Variants in AGBL4 observed in about 807,000 individuals in gnomAD.
AGBL4 encodes AGBL carboxypeptidase 4, also known as cytosolic carboxypeptidase 6.
AGBL4 carries 58 observed loss-of-function variants against 66.4 expected under a neutral mutation model. The ratio of observed to expected loss-of-function variants is 0.87; its 90% CI spans 0.71 to 1.09. AGBL4 has a LOEUF of 1.09. Ranked by LOEUF, AGBL4 falls within the 50% of genes least tolerant of loss-of-function variation. The probability of loss-of-function intolerance (pLI) is 0.00; values close to 1 mark genes in which losing one functional copy is unlikely to be tolerated. For missense variants in AGBL4, 579 were observed against 631.0 expected, an observed-to-expected ratio of 0.92 and a Z score of 0.88; for synonymous variants, 234 against 222.9, an observed-to-expected ratio of 1.05 and a Z score of -0.44.
intron 3 of AGBL4, among the ~76,000 whole-genome samples, chr1:49,675,076 G>A (rs1476165201): frequency 1.3e-5 from 2 of 152,054 alleles, no homozygotes; most frequent in Non-Finnish European, 2.9e-5. Flanking sequence ...AAGATTCTAA[G>A]TTTCAGGCCT....
chr1:50,023,624 G>T, intron 1 of AGBL4, 139 bp downstream of exon 1: 1 of 1,070,026 alleles, frequency 9.3e-7, no homozygotes, highest in South Asian at 2.0e-5. Flanking sequence ...CTTGACCCCT[G>T]ACCCTGAAGT....
At chr1:49,351,455 G>GTATATATA (rs148857726) in intron 3 of AGBL4, among the ~76,000 whole-genome samples, 1 of 147,682 alleles carries the variant, frequency 6.8e-6, no homozygotes, top group African/African-American at 2.5e-5. Context: ...GTACACATAT[G>GTATATATA]TATATATATA....
At chr1:49,449,273 C>T (rs774379909) in intron 3 of AGBL4, among the ~76,000 whole-genome samples, 3 of 151,992 alleles carry the variant, frequency 2.0e-5, no homozygotes, top group Admixed American at 2.0e-4. Context: ...TACTGTGTTA[C>T]ATGAGAGTAT....
intron 1 of AGBL4, among the ~76,000 whole-genome samples, chr1:49,904,705 C>T (rs1338922477): frequency 3.9e-5 from 6 of 152,152 alleles, no homozygotes; most frequent in Admixed American, 3.9e-4. Context: ...AAGAACATTG[C>T]ATTTTTATAG....
chr1:48,990,192 G>A (rs1215460451), intron 5 of AGBL4, among the ~76,000 whole-genome samples: 1 of 152,062 alleles, frequency 6.6e-6, no homozygotes, highest in Non-Finnish European at 1.5e-5. Flanking sequence ...TTTGAGAAAT[G>A]TCTAGTCAAA....
intron 3 of AGBL4, among the ~76,000 whole-genome samples, chr1:49,385,119 T>C (rs776100514): frequency 2.0e-5 from 3 of 152,020 alleles, no homozygotes; most frequent in African/African-American, 7.2e-5. Context: ...ACTCTAGAAA[T>C]AGAAAATATA....
intron 1 of AGBL4, chr1:49,865,930 T>C: frequency 2.4e-6 from 1 of 408,248 alleles, no homozygotes; most frequent in South Asian, 1.8e-5. Context: ...CTGAAGGAGC[T>C]GAAAAACACA....
chr1:48,581,692 G>T (rs1644742686), intron 11 of AGBL4, among the ~76,000 whole-genome samples: 1 of 152,196 alleles, frequency 6.6e-6, no homozygotes, highest in South Asian at 2.1e-4. Context: ...AGGAAGGAAA[G>T]GCAAGGGACC....
intron 5 of AGBL4, among the ~76,000 whole-genome samples, chr1:48,871,309 G>A (rs1348751754): frequency 1.3e-5 from 2 of 151,812 alleles, no homozygotes; most frequent in African/African-American, 4.8e-5. Flanking sequence ...CTGACCAAAA[G>A]CTACAGTCTA....
chr1:49,904,047 A>G (rs563416691), intron 1 of AGBL4, among the ~76,000 whole-genome samples: 17 of 152,314 alleles, frequency 1.1e-4, no homozygotes, highest in African/African-American at 4.1e-4. Context: ...TTTCACCATC[A>G]GCCACTCTGA....
rs912634323 is a variant in AGBL4 at position 49,093,732 on chromosome 1, C to A, written c.378-47932G>T. On this transcript the variant is annotated intron_variant, in intron 4 of 13. Transcript: ENST00000371839. ...TAACTTGTTCATGGTTGTATAATAA[C>A]TAGAGAGCCAAAACCAAAACCTAGG... is the stretch of plus-strand genomic sequence containing the variant. Among the ~76,000 whole-genome samples the A allele has an allele frequency of 5.3e-5, 8 of 152,130 alleles. No homozygotes were observed. In the East Asian group the frequency reaches 1.3e-3, roughly 26 times the overall value.
chr1:49,254,030 C>T (rs571647973), intron 3 of AGBL4, among the ~76,000 whole-genome samples: 1 of 152,224 alleles, frequency 6.6e-6, no homozygotes, highest in African/African-American at 2.4e-5. Context: ...ATAATAAGAA[C>T]CATCTAGGAC....
chr1:49,937,210 C>A (rs1176461722), intron 1 of AGBL4, among the ~76,000 whole-genome samples: 2 of 152,068 alleles, frequency 1.3e-5, no homozygotes, highest in African/African-American at 4.8e-5. Context: ...ATAAAACAGA[C>A]ATTAAACCAA....
chr1:49,189,967 T>C (rs1237435690), intron 4 of AGBL4, among the ~76,000 whole-genome samples: 2 of 152,116 alleles, frequency 1.3e-5, no homozygotes, highest in Non-Finnish European at 2.9e-5. Context: ...GTTATAATAA[T>C]GCATTCTTTG....
At chr1:48,828,865 A>C (rs1646488228) in intron 6 of AGBL4, among the ~76,000 whole-genome samples, 1 of 152,292 alleles carries the variant, frequency 6.6e-6, no homozygotes, top group African/African-American at 2.4e-5. Context: ...TTTACCTCAT[A>C]TAAAAAAGTA....
chr1:49,056,222 G>A (rs1376486700), intron 4 of AGBL4, among the ~76,000 whole-genome samples: 1 of 151,834 alleles, frequency 6.6e-6, no homozygotes, highest in African/African-American at 2.4e-5. Flanking sequence ...TCCCATGTTG[G>A]CACTTTTCTA....
intron 4 of AGBL4, among the ~76,000 whole-genome samples, chr1:49,143,611 A>C (rs1286850122): frequency 1.3e-5 from 2 of 152,188 alleles, no homozygotes; most frequent in African/African-American, 4.8e-5. Flanking sequence ...CTCAAGGAAT[A>C]CTTCATAATA....
chr1:49,451,186 C>T (rs186821824), intron 3 of AGBL4, among the ~76,000 whole-genome samples: 1 of 151,920 alleles, frequency 6.6e-6, no homozygotes. Context: ...TGAATCTGCC[C>T]ATCTTCAAGC....
At chr1:49,038,886 GA>G (rs1397050238) in intron 5 of AGBL4, among the ~76,000 whole-genome samples, 1 of 152,096 alleles carries the variant, frequency 6.6e-6, no homozygotes, top group Non-Finnish European at 1.5e-5. Flanking sequence ...ATGCCCACAT[GA>G]AAACCTGAAT....
Sources: gnomAD v4.1 joint callset for allele counts (sites outside exome capture counted in the v4.1 genomes callset) on GRCh38, gnomAD v4.1.1 for gene constraint, MANE v1.5 for transcripts, NCBI Gene and HGNC (gene_info 2026-07-23, HGNC 2026-07-21) for gene names.